The following ARID1B variants were observed in gnomAD, a reference collection of about 807,000 sequenced individuals.
ARID1B encodes the protein AT-rich interaction domain 1B.
ARID1B carries 30 observed loss-of-function variants against 212.3 expected under a neutral mutation model. The observed-to-expected ratio is 0.14, with a 90% CI of 0.11 to 0.19. The LOEUF (loss-of-function observed/expected upper bound fraction) is 0.19. ARID1B is among the 10% of genes least tolerant of loss of function. The pLI, the probability that ARID1B is intolerant of heterozygous loss-of-function variation, is 1.00. For synonymous variants in ARID1B, 1,402 were observed against 1,301.7 expected, an observed-to-expected ratio of 1.08 and a Z score of -1.66; for missense variants, 2,891 against 3,204.0, an observed-to-expected ratio of 0.90 and a Z score of 2.36.
chr6:157,039,666 C>CTTCCTTCCTTCCTTCCTTCCTTCTTTCT, intron 4 of ARID1B, among the ~76,000 whole-genome samples: 1 of 49,412 alleles, frequency 2.0e-5, no homozygotes, highest in African/African-American at 1.4e-4. Context: ...TCCTTCCTTC[C>CTTCCTTCCTTCCTTCCTTCCTTCTTTCT]TTCCTTCCTT....
intron 2 of ARID1B, among the ~76,000 whole-genome samples, chr6:156,856,859 A>G (rs1469539629): frequency 6.6e-6 from 1 of 151,286 alleles, no homozygotes; most frequent in African/African-American, 2.4e-5. Context: ...TTTGGGGGAA[A>G]AACTAGAAAA....
intron 1 of ARID1B, among the ~76,000 whole-genome samples, chr6:156,823,480 C>T (rs1228098924): frequency 1.3e-5 from 2 of 152,082 alleles, no homozygotes; most frequent in Non-Finnish European, 2.9e-5. Context: ...CAGCTGCAGA[C>T]GTGAATAAAC....
intron 4 of ARID1B, among the ~76,000 whole-genome samples, chr6:157,054,494 G>A (rs1203374261): frequency 6.6e-6 from 1 of 151,956 alleles, no homozygotes; most frequent in Non-Finnish European, 1.5e-5. Flanking sequence ...GAGCTACAAG[G>A]GACATGAGAA....
intron 4 of ARID1B, among the ~76,000 whole-genome samples, chr6:157,037,894 A>T (rs1345474595): frequency 1.3e-5 from 2 of 152,196 alleles, no homozygotes; most frequent in Non-Finnish European, 2.9e-5. Context: ...GTAGGAAAAG[A>T]GGAGCTCAAG....
At chr6:156,877,482 C>T (rs1433275277) in intron 2 of ARID1B, among the ~76,000 whole-genome samples, 1 of 151,680 alleles carries the variant, frequency 6.6e-6, no homozygotes, top group African/African-American at 2.4e-5. Flanking sequence ...CTGCTGGCTC[C>T]ACCTACATTT....
intron 15 of ARID1B, chr6:157,193,671 T>C (rs1793536436): frequency 6.6e-6 from 1 of 152,146 alleles, no homozygotes; most frequent in South Asian, 2.1e-4. Flanking sequence ...CCATGTAGTT[T>C]CTTAGGTGCC....
intron 4 of ARID1B, among the ~76,000 whole-genome samples, chr6:156,953,869 A>T (rs768660691): frequency 6.6e-6 from 1 of 152,230 alleles, no homozygotes; most frequent in African/African-American, 2.4e-5. Flanking sequence ...TAGAGTGGTT[A>T]CTGAACTATC....
chr6:156,961,691 T>A lies in ARID1B; in HGVS notation c.2247+26115T>A, dbSNP rs545128356. 5.3e-5 allele frequency among the ~76,000 whole-genome samples: 8 copies of A among 152,308 alleles called. No homozygotes were observed. In the South Asian group the frequency reaches 1.7e-3, roughly 32 times the overall value. ...AGCTGCGCTTACCACCTGTTGAATG[T>A]GAAATTGATACAGAGGTGGGATGTG... On this transcript the variant is annotated intron_variant, in intron 4 of 19. Coordinates refer to ENST00000636930, the MANE Select transcript of ARID1B (RefSeq NM_001374828.1).
At chr6:156,899,298 A>G (rs1788736717) in intron 2 of ARID1B, among the ~76,000 whole-genome samples, 1 of 152,178 alleles carries the variant, frequency 6.6e-6, no homozygotes, top group Non-Finnish European at 1.5e-5. Context: ...TGGGTAAACT[A>G]GAGTTGAGCA....
rs1794599751 is a variant in ARID1B, at chr6:157,208,119, TC to T, written c.*229del. 2 of 456,852 alleles carry T rather than the reference TC, an allele frequency of 4.4e-6. No homozygotes were observed. The highest frequency in any genetic ancestry group is 7.0e-6 in the Non-Finnish European group (2 of 286,884). 28.3% of individuals were successfully genotyped at this position (456,852 alleles called of 1,614,324 possible). On this transcript the variant is annotated 3_prime_UTR_variant, in exon 20 of 20. Transcript: ENST00000636930. Reference sequence around the variant, plus strand: ...AGTACATCCTTTGGGGTTTTTTTTTTCTCTTTTTTTTAACCAAAGTTGCTGT... The same window carrying T: ...AGTACATCCTTTGGGGTTTTTTTTTTTCTTTTTTTTAACCAAAGTTGCTGT...
At chr6:157,172,180 G>T (rs1189860108) in intron 9 of ARID1B, among the ~76,000 whole-genome samples, 1 of 152,118 alleles carries the variant, frequency 6.6e-6, no homozygotes, top group East Asian at 1.9e-4. Flanking sequence ...GTTTTTTAAT[G>T]TACAGGTTTA....
rs754910735 is a variant in ARID1B at position 156,955,432 on chromosome 6, G to C, written c.2247+19856G>C. 6.6e-6 allele frequency among the ~76,000 whole-genome samples: 1 copy of C among 152,148 alleles called. No homozygotes were observed. Among genetic ancestry groups the C allele is most frequent in the Non-Finnish European group, 1.5e-5 (1 of 68,008 alleles). ...AGGCTAGGTGGGGATCCAGAACAACGCTATAGTCCTTTCTGTATATGTTAT... is the reference window on the plus strand; with the variant it reads ...AGGCTAGGTGGGGATCCAGAACAACCCTATAGTCCTTTCTGTATATGTTAT... On this transcript the variant is annotated intron_variant, in intron 4 of 19. Coordinates refer to ENST00000636930, the MANE Select transcript of ARID1B (RefSeq NM_001374828.1). The surrounding 1 kb of genome is among the most constrained non-coding windows in gnomAD (Gnocchi z 4.2).
chr6:157,067,648 C>T (rs1191385451), intron 4 of ARID1B, among the ~76,000 whole-genome samples: 9 of 152,196 alleles, frequency 5.9e-5, no homozygotes, highest in Admixed American at 5.9e-4. Flanking sequence ...ATCTGCCCGA[C>T]ACTTTGTCTG....
chr6:156,849,912 C>T (rs898318273), intron 2 of ARID1B, among the ~76,000 whole-genome samples: 10 of 151,516 alleles, frequency 6.6e-5, no homozygotes, highest in African/African-American at 2.4e-4. Context: ...TTTTTGACAC[C>T]GGGCTTTCTG....
At chr6:157,181,650 G>C (rs1294969383) in intron 12 of ARID1B, among the ~76,000 whole-genome samples, 2 of 152,178 alleles carry the variant, frequency 1.3e-5, no homozygotes, top group African/African-American at 4.8e-5. Flanking sequence ...ACAGTTAGGA[G>C]GGCCATTGCT....
intron 4 of ARID1B, among the ~76,000 whole-genome samples, chr6:157,040,498 A>G (rs980739953): frequency 6.6e-6 from 1 of 152,084 alleles, no homozygotes; most frequent in Non-Finnish European, 1.5e-5. Context: ...TTTTCCTACT[A>G]ATTCTTTATA....
chr6:157,011,068 G>A (rs1375700525), intron 4 of ARID1B, among the ~76,000 whole-genome samples: 2 of 152,168 alleles, frequency 1.3e-5, no homozygotes, highest in East Asian at 1.9e-4. Flanking sequence ...TTGAGGGGGT[G>A]TAGAATGGGC....
At chr6:156,821,197 A>C in intron 1 of ARID1B, among the ~76,000 whole-genome samples, 1 of 152,216 alleles carries the variant, frequency 6.6e-6, no homozygotes, top group Non-Finnish European at 1.5e-5. Flanking sequence ...TTCTTCTACT[A>C]GGGTCAACTC....
chr6:156,873,055 G>A (rs1307570585), intron 2 of ARID1B, among the ~76,000 whole-genome samples: 1 of 152,054 alleles, frequency 6.6e-6, no homozygotes, highest in Non-Finnish European at 1.5e-5. Context: ...ACCTGAACAG[G>A]CCATTTCATG....
Sources: gnomAD v4.1 joint callset for allele counts (sites outside exome capture counted in the v4.1 genomes callset) on GRCh38, gnomAD v4.1.1 for gene constraint, Gnocchi (gnomAD v3.1) non-coding constraint, MANE v1.5 for transcripts, NCBI Gene and HGNC (gene_info 2026-07-23, HGNC 2026-07-21) for gene names.